The following ERBIN variants were observed in gnomAD, a reference collection of about 807,000 sequenced individuals.
ERBIN encodes the protein densin-180-like protein.
In ERBIN, 60 loss-of-function variants were observed where a neutral mutation model predicts 158.4. The ratio of observed to expected loss-of-function variants is 0.38; its 90% CI spans 0.31 to 0.47. ERBIN has a LOEUF of 0.47. Ranked by LOEUF, ERBIN falls within the 20% of genes least tolerant of loss-of-function variation. The probability of loss-of-function intolerance (pLI) is 0.99; values close to 1 mark genes in which losing one functional copy is unlikely to be tolerated. For missense variants in ERBIN, 1,610 were observed against 1,648.0 expected, an observed-to-expected ratio of 0.98 and a Z score of 0.40; for synonymous variants, 594 against 557.2, an observed-to-expected ratio of 1.07 and a Z score of -0.93.
chr5:66,064,020 G>T (rs931418839), intron 21 of ERBIN, among the ~76,000 whole-genome samples: 1 of 152,174 alleles, frequency 6.6e-6, no homozygotes, highest in Non-Finnish European at 1.5e-5. Flanking sequence ...TGGTTCAAAA[G>T]ATGAAATGTT....
At chr5:66,077,805 CACACAG>C (rs1358257122) in intron 25 of ERBIN, among the ~76,000 whole-genome samples, 5,617 of 144,588 alleles carry the variant, frequency 0.039, 358 homozygotes, top group African/African-American at 0.15. Context: ...TACACACACA[CACACAG>C]TCACACTCAC....
At chr5:66,033,704 A>G (rs1344845349) in intron 14 of ERBIN, among the ~76,000 whole-genome samples, 1 of 152,204 alleles carries the variant, frequency 6.6e-6, no homozygotes, top group Non-Finnish European at 1.5e-5. Flanking sequence ...TGAGAAGGAA[A>G]TGGAATGGAA....
intron 1 of ERBIN, among the ~76,000 whole-genome samples, chr5:65,935,054 T>C (rs1743913554): frequency 6.6e-6 from 1 of 152,200 alleles, no homozygotes; most frequent in Admixed American, 6.5e-5. Flanking sequence ...TTGTTGTTTT[T>C]AGGGTATTGT....
chr5:66,074,169 C>T (rs1249923978), intron 22 of ERBIN, among the ~76,000 whole-genome samples: 1 of 149,966 alleles, frequency 6.7e-6, no homozygotes, highest in Non-Finnish European at 1.5e-5. Flanking sequence ...GGATTATAGG[C>T]ATGAGCTACT....
At chr5:66,067,893 T>G (rs917031858) in intron 21 of ERBIN, among the ~76,000 whole-genome samples, 2 of 152,160 alleles carry the variant, frequency 1.3e-5, no homozygotes, top group Non-Finnish European at 2.9e-5. Context: ...GGAGGATGGC[T>G]TGAGCCCAGG....
chr5:65,949,343 A>G (rs1489938939), intron 1 of ERBIN, among the ~76,000 whole-genome samples: 2 of 152,308 alleles, frequency 1.3e-5, no homozygotes, highest in Admixed American at 1.3e-4. Context: ...TAAAAAAAAT[A>G]CTGAGTCCCA....
chr5:65,942,332 T>C (rs1292145541), intron 1 of ERBIN, among the ~76,000 whole-genome samples: 1 of 152,206 alleles, frequency 6.6e-6, no homozygotes, highest in African/African-American at 2.4e-5. Context: ...CCTAGGTATG[T>C]TCTGAAGAAT....
chr5:65,932,357 GACATAA>G (rs1743543728), intron 1 of ERBIN, among the ~76,000 whole-genome samples: 1 of 143,860 alleles, frequency 7.0e-6, no homozygotes, highest in East Asian at 2.0e-4. Flanking sequence ...AAAAAAAAAA[GACATAA>G]ACCTGGGAAT....
At chr5:65,938,325 T>C (rs1271201076) in intron 1 of ERBIN, among the ~76,000 whole-genome samples, 1 of 152,070 alleles carries the variant, frequency 6.6e-6, no homozygotes, top group Non-Finnish European at 1.5e-5. Flanking sequence ...TTGATATGTT[T>C]GTATTTTCTG....
chr5:66,014,572 C>G, intron 6 of ERBIN, 97 bp from the exon 7 acceptor site: 2 of 581,058 alleles, frequency 3.4e-6, no homozygotes, highest in South Asian at 5.0e-5. Context: ...AGTAATTACA[C>G]AATTACATTG....
intron 7 of ERBIN, among the ~76,000 whole-genome samples, chr5:66,018,441 A>AATATATATATATTAT (rs1554058707): frequency 3.8e-5 from 2 of 53,166 alleles, no homozygotes; most frequent in Non-Finnish European, 7.0e-5. Context: ...TGATATATAT[A>AATATATATATATTAT]ATATAATATA....
intron 1 of ERBIN, among the ~76,000 whole-genome samples, chr5:65,935,640 T>C (rs1312603526): frequency 1.3e-5 from 2 of 152,254 alleles, no homozygotes; most frequent in South Asian, 4.1e-4. Context: ...TCCAGTACTT[T>C]TACTCTTTAC....
chr5:65,980,502 A>G (rs1045199502), intron 1 of ERBIN, among the ~76,000 whole-genome samples: 2 of 152,236 alleles, frequency 1.3e-5, no homozygotes, highest in African/African-American at 4.8e-5. Flanking sequence ...ATTACATAAA[A>G]TATGAAAGAT....
chr5:65,965,034 T>TC (rs1191307896), intron 1 of ERBIN, among the ~76,000 whole-genome samples: 5 of 144,904 alleles, frequency 3.5e-5, no homozygotes, highest in African/African-American at 1.3e-4. Context: ...CAAGTGATCC[T>TC]CCCCCCTCAG....
rs758003598 is a variant in ERBIN, at chr5:66,082,405, C to G, written c.*3875C>G. ...CAATGGTGATCTGTCACGCATCTGC[C>G]CATCTAGCTTCTCAATCGGCCCACG... is the stretch of plus-strand genomic sequence containing the variant. On this transcript the variant is annotated 3_prime_UTR_variant, in exon 26 of 26. Transcript: ENST00000284037. 6.6e-6 allele frequency: 1 copy of G among 152,146 alleles called. No individual in the cohort carries two copies. Among genetic ancestry groups the G allele is most frequent in the Non-Finnish European group, 1.5e-5 (1 of 68,026 alleles). 9.4% of individuals were successfully genotyped at this position (152,146 alleles called of 1,614,324 possible).
intron 1 of ERBIN, among the ~76,000 whole-genome samples, chr5:65,949,986 C>T (rs1746302384): frequency 6.6e-6 from 1 of 150,966 alleles, no homozygotes; most frequent in African/African-American, 2.4e-5. Context: ...CCTAAAATAT[C>T]TGCCCAGCCC....
At chr5:66,031,339 C>G (rs1048316940) in intron 14 of ERBIN, among the ~76,000 whole-genome samples, 17 of 152,164 alleles carry the variant, frequency 1.1e-4, no homozygotes, top group Admixed American at 6.5e-5. Flanking sequence ...TTGTGATTCT[C>G]AGGAACCATT....
chr5:66,038,395 A>C lies in ERBIN; in HGVS notation c.1219A>C (p.Ile407Leu), dbSNP rs772300803. The change falls in exon 15 of 26, where the codon ATA becomes CTA. Residue 407 changes from isoleucine (I) to leucine (L), a missense_variant. By Grantham distance (5) the Ile-to-Leu change is conservative. Around this residue, in one of 2 missense-constraint regions of ERBIN, gnomAD observed 596 missense variants for 711.9 expected, o/e 0.84. Transcript: ENST00000284037. The stretch of plus-strand genomic sequence containing the variant: ...TTTCCTTCTCTAGTCCAAACCCCTG[A>C]TACCTCTTCAAAAAGAAACTGATTC... The part of the protein sequence containing the change: ...WLSDNQSKPL[I>L]PLQKETDSET... The C allele has an allele frequency of 2.5e-6, 4 of 1,611,208 alleles. No homozygotes were observed. Among genetic ancestry groups the C allele is most frequent in the Non-Finnish European group, 3.4e-6 (4 of 1,178,182 alleles).
intron 1 of ERBIN, among the ~76,000 whole-genome samples, chr5:65,983,389 T>G (rs1750860092): frequency 6.6e-6 from 1 of 152,180 alleles, no homozygotes; most frequent in South Asian, 2.1e-4. Context: ...CGTTTATAAT[T>G]TTTTCATTAC....
Sources: gnomAD v4.1 joint callset for allele counts (sites outside exome capture counted in the v4.1 genomes callset) on GRCh38, gnomAD v4.1.1 for gene constraint, gnomAD v4.1.1 regional missense constraint, MANE v1.5 for transcripts, NCBI Gene and HGNC (gene_info 2026-07-23, HGNC 2026-07-21) for gene names.